The following PDE7A variants were observed in gnomAD, a reference collection of about 807,000 sequenced individuals.
PDE7A encodes phosphodiesterase 7A.
PDE7A carries 39 observed loss-of-function variants against 64.3 expected under a neutral mutation model. The observed-to-expected ratio is 0.61, with a 90% CI of 0.47 to 0.79. The LOEUF is 0.79. Ranked by LOEUF, PDE7A falls within the 30% of genes least tolerant of loss-of-function variation. PDE7A has a pLI of 0.00. For missense variants in PDE7A, 470 were observed against 582.8 expected, an observed-to-expected ratio of 0.81 and a Z score of 1.99; for synonymous variants, 203 against 206.8, an observed-to-expected ratio of 0.98 and a Z score of 0.16.
At chr8:65,786,124 G>T (rs1809551208) in intron 1 of PDE7A, among the ~76,000 whole-genome samples, 1 of 152,044 alleles carries the variant, frequency 6.6e-6, no homozygotes. Context: ...AAGCAAAAAA[G>T]GCAGAGTTTA....
chr8:65,835,393 T>C (rs1030620738), intron 1 of PDE7A, among the ~76,000 whole-genome samples: 1 of 152,222 alleles, frequency 6.6e-6, no homozygotes, highest in Non-Finnish European at 1.5e-5. Flanking sequence ...TAAGAGGGCC[T>C]GCATGCAATA....
At chr8:65,833,042 T>C (rs1017501142) in intron 1 of PDE7A, among the ~76,000 whole-genome samples, 3 of 152,218 alleles carry the variant, frequency 2.0e-5, no homozygotes, top group Admixed American at 1.3e-4. Context: ...TTCTCCAAAT[T>C]AGAGACGCTT....
At chr8:65,840,089 CT>C (rs1314190619) in intron 1 of PDE7A, among the ~76,000 whole-genome samples, 3 of 152,144 alleles carry the variant, frequency 2.0e-5, no homozygotes, top group Non-Finnish European at 2.9e-5. Flanking sequence ...AACATTAATT[CT>C]GGAATCTGAA....
intron 1 of PDE7A, among the ~76,000 whole-genome samples, chr8:65,835,680 A>G (rs748141165): frequency 2.0e-5 from 3 of 152,224 alleles, no homozygotes; most frequent in Non-Finnish European, 4.4e-5. Flanking sequence ...CTTTCCACCC[A>G]AAGTGAGCTC....
chr8:65,736,790 GTTT>G (rs34814975), intron 6 of PDE7A, among the ~76,000 whole-genome samples: 1 of 128,804 alleles, frequency 7.8e-6, no homozygotes, highest in Admixed American at 7.9e-5. Context: ...AAATTTATCT[GTTT>G]TTTTTTTTTT....
At chr8:65,824,223 G>T (rs921847164) in intron 1 of PDE7A, among the ~76,000 whole-genome samples, 1 of 152,186 alleles carries the variant, frequency 6.6e-6, no homozygotes, top group Non-Finnish European at 1.5e-5. Flanking sequence ...TTGTTATGGT[G>T]ATCTGTGATA....
rs375749755 is a variant in PDE7A at position 65,761,826 on chromosome 8, G to C, written c.284-14023C>G. 1.2e-4 allele frequency among the ~76,000 whole-genome samples: 19 copies of C among 152,178 alleles called. No homozygotes were observed. The East Asian group carries it at 1.7e-3, about 14-fold the overall frequency. ...CCCTCCTCATATTAGAAAGTAGACA[G>C]GAAATACAAGCCCCAGGTCAAGGAA... On this transcript the variant is annotated intron_variant, in intron 3 of 12. Coordinates refer to ENST00000401827, the MANE Select transcript of PDE7A (RefSeq NM_001242318.3).
At chr8:65,797,691 A>C (rs1175697886) in intron 1 of PDE7A, among the ~76,000 whole-genome samples, 1 of 152,220 alleles carries the variant, frequency 6.6e-6, no homozygotes, top group African/African-American at 2.4e-5. Context: ...TCAAAATCCC[A>C]GCAGACTTTT....
intron 1 of PDE7A, among the ~76,000 whole-genome samples, chr8:65,822,706 A>G (rs1398941394): frequency 6.6e-6 from 1 of 152,210 alleles, no homozygotes; most frequent in African/African-American, 2.4e-5. Context: ...AGTAGAGAAA[A>G]AGCTGAGGGC....
At chr8:65,810,241 G>A (rs933037682) in intron 1 of PDE7A, among the ~76,000 whole-genome samples, 1 of 151,656 alleles carries the variant, frequency 6.6e-6, no homozygotes, top group African/African-American at 2.4e-5. Flanking sequence ...GTAAACTATC[G>A]CAAGGACAGA....
chr8:65,766,185 A>T (rs1808771230), intron 3 of PDE7A, among the ~76,000 whole-genome samples: 1 of 152,206 alleles, frequency 6.6e-6, no homozygotes, highest in Non-Finnish European at 1.5e-5. Flanking sequence ...ACCTCAGGTG[A>T]TCCACCCGCC....
intron 6 of PDE7A, among the ~76,000 whole-genome samples, chr8:65,735,432 C>T (rs1325966649): frequency 6.6e-6 from 1 of 151,914 alleles, no homozygotes; most frequent in Non-Finnish European, 1.5e-5. Flanking sequence ...CCTCAGCCTC[C>T]CAAGTAGTTG....
At position 65,842,007 on chromosome 8, in the gene PDE7A, T is replaced by TC; in HGVS notation, c.-500dup. The TC allele has an allele frequency of 4.2e-6, 1 of 238,530 alleles. No individual in the cohort carries two copies. The highest frequency in any genetic ancestry group is 4.4e-5 in the South Asian group (1 of 22,824). The allele number at this position is 238,530 out of a possible 1,614,324, so 14.8% of individuals were successfully genotyped here. A position where few individuals can be genotyped will look rare whatever the true frequency, so the allele number is the denominator to read the frequency against. On this transcript the variant is annotated 5_prime_UTR_variant, in exon 1 of 13. Transcript: ENST00000401827. ...GCCGCCGCCGCCGGAGTCCTGCTCC[T>TC]CCCCTCCCCCGGAGCCTGACTTCAC... is the stretch of plus-strand genomic sequence containing the variant.
At chr8:65,819,925 C>A (rs1214770426) in intron 1 of PDE7A, among the ~76,000 whole-genome samples, 1 of 152,166 alleles carries the variant, frequency 6.6e-6, no homozygotes, top group Non-Finnish European at 1.5e-5. Flanking sequence ...GCAAACTGTC[C>A]TGAATTTCCT....
intron 3 of PDE7A, among the ~76,000 whole-genome samples, chr8:65,765,289 A>G (rs561910268): frequency 6.6e-6 from 1 of 151,626 alleles, no homozygotes; most frequent in Non-Finnish European, 1.5e-5. Context: ...GGAGATCGAG[A>G]CCATCCCGGC....
chr8:65,803,902 G>A (rs1810051997), intron 1 of PDE7A, among the ~76,000 whole-genome samples: 1 of 152,132 alleles, frequency 6.6e-6, no homozygotes, highest in South Asian at 2.1e-4. Context: ...GAACAAACCA[G>A]CAGAGGCAAG....
At chr8:65,788,535 G>A (rs377081187) in intron 1 of PDE7A, among the ~76,000 whole-genome samples, 6 of 151,990 alleles carry the variant, frequency 3.9e-5, no homozygotes, top group East Asian at 1.9e-4. Context: ...CATTTTCTCC[G>A]AGAGAATGTT....
Position 65,715,919 on chromosome 8 carries a change from C to A in PDE7A, c.*3371G>T, listed in dbSNP as rs1315978462. On this transcript the variant is annotated 3_prime_UTR_variant, in exon 13 of 13. Coordinates refer to ENST00000401827, the MANE Select transcript of PDE7A (RefSeq NM_001242318.3). ...AGGAGAATGAGGAGAATGGCGTGAA[C>A]CCGGGAGGCGGAACTTGCAGTGAGC... Among the ~76,000 whole-genome samples, 4 of 142,652 alleles carry A rather than the reference C, an allele frequency of 2.8e-5. No individual in the cohort carries two copies. The East Asian group carries it at 9.0e-4, about 32-fold the overall frequency. The allele number at this position is 142,652 out of a possible 152,430, so 93.6% of individuals were successfully genotyped here. A position where few individuals can be genotyped will look rare whatever the true frequency, so the allele number is the denominator to read the frequency against.
intron 3 of PDE7A, among the ~76,000 whole-genome samples, chr8:65,753,574 G>T (rs1270145423): frequency 2.0e-5 from 3 of 151,882 alleles, no homozygotes; most frequent in African/African-American, 4.8e-5. Context: ...CTAACATATG[G>T]TCTATTCAAT....
Sources: gnomAD v4.1 joint callset for allele counts (sites outside exome capture counted in the v4.1 genomes callset) on GRCh38, gnomAD v4.1.1 for gene constraint, MANE v1.5 for transcripts, NCBI Gene and HGNC (gene_info 2026-07-23, HGNC 2026-07-21) for gene names.